The following ANO6 variants were observed in gnomAD, a reference collection of about 807,000 sequenced individuals.
ANO6 encodes the protein anoctamin 6.
In ANO6, 106 loss-of-function variants were observed where a neutral mutation model predicts 117.5. The ratio of observed to expected loss-of-function variants is 0.90; its 90% CI spans 0.77 to 1.06. The LOEUF is 1.06. Among genes scored for constraint, ANO6 ranks in the 50% least tolerant of loss-of-function variants. The pLI is 0.00. For synonymous variants in ANO6, 367 were observed against 385.1 expected (o/e 0.95, Z 0.55); for missense variants, 955 against 1,121.1 (o/e 0.85, Z 2.12).
intron 1 of ANO6, among the ~76,000 whole-genome samples, chr12:45,221,326 A>T (rs1021275485): frequency 3.9e-5 from 6 of 152,164 alleles, no homozygotes; most frequent in Non-Finnish European, 8.8e-5. Context: ...GGTACATATA[A>T]AACTGAAGGG....
chr12:45,338,145 TAA>T (rs763203742), intron 3 of ANO6, among the ~76,000 whole-genome samples: 20 of 152,160 alleles, frequency 1.3e-4, no homozygotes, highest in Non-Finnish European at 2.5e-4. Context: ...CCAAAGAATA[TAA>T]GAGGATTTTA....
intron 1 of ANO6, among the ~76,000 whole-genome samples, chr12:45,226,984 C>CTTTTTTTTTTT (rs906373347): frequency 8.9e-6 from 1 of 112,764 alleles, no homozygotes; most frequent in East Asian, 2.5e-4. Context: ...TTATCATTTT[C>CTTTTTTTTTTT]TTTTTTTTTT....
chr12:45,409,631 C>A, intron 16 of ANO6, 144 bp downstream of exon 16: 1 of 1,003,604 alleles, frequency 1.0e-6, no homozygotes, highest in Non-Finnish European at 1.5e-6. Context: ...TAAAATTATA[C>A]AATCCAGCTT....
rs1190760676 is a variant in ANO6 at position 45,431,705 on chromosome 12, T to C, written c.*2394T>C. ...GCAGTGATAAAGAAAAGCATGGAGC[T>C]GTGTCTGCAGACAATGGTGGCTGCA... On this transcript the variant is annotated 3_prime_UTR_variant, in exon 20 of 20. Coordinates refer to ENST00000320560, the MANE Select transcript of ANO6 (RefSeq NM_001025356.3). The C allele has an allele frequency of 7.1e-6, 7 of 985,306 alleles. No homozygotes were observed. The African/African-American group carries it at 1.2e-4, about 17-fold the overall frequency. 61.0% of individuals were successfully genotyped at this position (985,306 alleles called of 1,614,324 possible).
intron 13 of ANO6, among the ~76,000 whole-genome samples, 171 bp from the exon 14 acceptor site, chr12:45,402,901 G>A (rs1033054946): frequency 2.6e-5 from 4 of 152,092 alleles, no homozygotes; most frequent in African/African-American, 2.4e-5. Context: ...GTGCAAACTT[G>A]GAATTAACAC....
At chr12:45,416,606 TAGTTCGTTTGCCTTTCTCTTTCA>T in intron 16 of ANO6, 70 bp from the exon 17 acceptor site, 1 of 1,139,136 alleles carries the variant, frequency 8.8e-7, no homozygotes, top group South Asian at 1.3e-5. Flanking sequence ...CTCTGGGATT[TAGTTCGTTTGCCTTTCTCTTTCA>T]AGAGTAAAGG....
At chr12:45,411,497 A>G (rs756793842) in intron 16 of ANO6, among the ~76,000 whole-genome samples, 6 of 152,188 alleles carry the variant, frequency 3.9e-5, no homozygotes, top group Non-Finnish European at 8.8e-5. Flanking sequence ...TGAGAGACAT[A>G]ATTTCCAAGT....
At chr12:45,433,557 T>C (rs1444875347), downstream of ANO6, among the ~76,000 whole-genome samples, 1 of 152,216 alleles carries the variant, frequency 6.6e-6, no homozygotes. Context: ...AGTTTTGCCA[T>C]TGATAAGCAA....
intron 1 of ANO6, chr12:45,270,377 TG>T: frequency 7.1e-7 from 1 of 1,412,084 alleles, no homozygotes. Flanking sequence ...GAGGCAGGTC[TG>T]ATGCCGCCTC....
chr12:45,368,026 G>A (rs1389332354), intron 9 of ANO6, among the ~76,000 whole-genome samples: 1 of 152,148 alleles, frequency 6.6e-6, no homozygotes, highest in African/African-American at 2.4e-5. Context: ...TGAGATAATA[G>A]TGGAATCTAA....
At position 45,331,401 on chromosome 12, in the gene ANO6, A is replaced by AG; in HGVS notation, c.260dup (p.Thr88TyrfsTer3). ...GAAAGCAGAAAAGAGACCAATAAAA[A>AG]GGGTACAAATGAAAAACAAAGGGTA... is the stretch of plus-strand genomic sequence containing the variant. On this transcript the variant is annotated frameshift_variant, in exon 3 of 20. Transcript: ENST00000320560. LOFTEE classifies it high-confidence loss of function. 1.2e-6 allele frequency: 2 copies of AG among 1,606,508 alleles called. No individual in the cohort carries two copies. Among genetic ancestry groups the AG allele is most frequent in the Non-Finnish European group, 8.5e-7 (1 of 1,176,096 alleles).
rs1318908235 is a variant in ANO6, at chr12:45,357,286, T to C, written c.864-4T>C. On this transcript the variant is annotated splice_region_variant and splice_polypyrimidine_tract_variant and intron_variant, in intron 7 of 19. Transcript: ENST00000320560. ...TTCTAAAAATAATTTCTGTCTTTCT[T>C]CAGGAAATACTATGGAGAGAAGATT... 6.2e-7 allele frequency: 1 copy of C among 1,613,622 alleles called. No individual in the cohort carries two copies. Among genetic ancestry groups the C allele is most frequent in the African/African-American group, 1.3e-5 (1 of 75,052 alleles).
chr12:45,426,015 C>T (rs1049114778), intron 19 of ANO6, among the ~76,000 whole-genome samples: 1 of 152,098 alleles, frequency 6.6e-6, no homozygotes, highest in Non-Finnish European at 1.5e-5. Context: ...AATGCTGTAA[C>T]GAAACAGCAT....
At chr12:45,385,343 G>C (rs1175294217) in intron 10 of ANO6, among the ~76,000 whole-genome samples, 1 of 152,186 alleles carries the variant, frequency 6.6e-6, no homozygotes, top group Admixed American at 6.5e-5. Context: ...TACAGAGTGG[G>C]AGACAGAGCT....
chr12:45,221,247 AT>A (rs1378958047), intron 1 of ANO6, among the ~76,000 whole-genome samples: 1 of 152,188 alleles, frequency 6.6e-6, no homozygotes, highest in Non-Finnish European at 1.5e-5. Context: ...TGTTGATTGT[AT>A]TGAGAGTACA....
downstream of ANO6, among the ~76,000 whole-genome samples, chr12:45,433,989 C>T (rs1006088805): frequency 3.9e-5 from 6 of 152,212 alleles, no homozygotes; most frequent in Admixed American, 1.3e-4. Flanking sequence ...CTTTAAACCC[C>T]TTGCCTCATT....
At chr12:45,315,533 T>A (rs1039765048) in intron 2 of ANO6, among the ~76,000 whole-genome samples, 6 of 152,054 alleles carry the variant, frequency 3.9e-5, no homozygotes, top group African/African-American at 1.4e-4. Context: ...AAGCACTTCC[T>A]ATCCGTTAGA....
intron 6 of ANO6, 112 bp from the exon 7 acceptor site, chr12:45,350,546 AG>A (rs766431570): frequency 6.9e-5 from 57 of 823,282 alleles, no homozygotes; most frequent in Non-Finnish European, 1.1e-4. Flanking sequence ...CCTTTCCAGA[AG>A]GTGAGGACCC....
chr12:45,398,873 T>C (rs1432422242), intron 12 of ANO6, among the ~76,000 whole-genome samples: 1 of 152,200 alleles, frequency 6.6e-6, no homozygotes, highest in African/African-American at 2.4e-5. Context: ...TTAATGTTAT[T>C]TTTGTTAGAA....
Sources: gnomAD v4.1 joint callset for allele counts (sites outside exome capture counted in the v4.1 genomes callset) on GRCh38, gnomAD v4.1.1 for gene constraint, MANE v1.5 for transcripts, NCBI Gene and HGNC (gene_info 2026-07-23, HGNC 2026-07-21) for gene names.